GRIK2: variants seen among roughly 807,000 people sequenced by gnomAD.
GRIK2 encodes glutamate ionotropic receptor kainate type subunit 2, also known as glutamate receptor ionotropic, kainate 2.
Under a neutral mutation model 100.3 loss-of-function variants are expected in GRIK2, and 32 were observed. The ratio of observed to expected loss-of-function variants is 0.32; its 90% CI spans 0.24 to 0.43. The LOEUF (loss-of-function observed/expected upper bound fraction) is 0.43, where lower values mean the gene tolerates loss of function less well. Ranked by LOEUF, GRIK2 falls within the 20% of genes least tolerant of loss-of-function variation. GRIK2 has a pLI of 1.00. For missense variants in GRIK2, 843 were observed against 1,114.9 expected (o/e 0.76, Z 3.47); for synonymous variants, 417 against 389.4 (o/e 1.07, Z -0.83).
chr6:101,754,887 T>G (rs546326644), intron 7 of GRIK2, among the ~76,000 whole-genome samples: 16 of 152,132 alleles, frequency 1.1e-4, no homozygotes, highest in Non-Finnish European at 1.6e-4. Context: ...GAGTAAGGGA[T>G]AGCGGAATGT....
chr6:101,399,203 T>G lies in GRIK2; in HGVS notation c.-75T>G. 1.3e-6 allele frequency: 1 copy of G among 789,976 alleles called. No homozygotes were observed. The highest frequency in any genetic ancestry group is 2.3e-6 in the Non-Finnish European group (1 of 432,040). 48.9% of individuals were successfully genotyped at this position (789,976 alleles called of 1,614,324 possible). A position where few individuals can be genotyped will look rare whatever the true frequency, so the allele number is the denominator to read the frequency against. On this transcript the variant is annotated 5_prime_UTR_variant, in exon 2 of 17. Coordinates refer to ENST00000369134, the MANE Select transcript of GRIK2 (RefSeq NM_021956.5). ...TCTGCGGTCACCACTCGACGCATCC[T>G]CATTTCTACCCGAACCCAGGAGCCG...
At chr6:102,012,269 T>A (rs1795587982) in intron 14 of GRIK2, among the ~76,000 whole-genome samples, 1 of 152,196 alleles carries the variant, frequency 6.6e-6, no homozygotes, top group Non-Finnish European at 1.5e-5. Context: ...GTGTTGACAC[T>A]GGGTAGTGTC....
rs1856139 is a variant in GRIK2 at position 101,697,934 on chromosome 6, A to G, written c.951+11581A>G. On this transcript the variant is annotated intron_variant, in intron 7 of 16. Coordinates refer to ENST00000369134, the MANE Select transcript of GRIK2 (RefSeq NM_021956.5). ...GTGATATCCATTTGTTTCAAGATAA[A>G]TGCCCTTTCTTCACTTTAGTGCAGA... Among the ~76,000 whole-genome samples the G allele has an allele frequency of 1.6e-3, 237 of 152,202 alleles. 1 individual carries two copies. Among genetic ancestry groups the G allele is most frequent in the African/African-American group, 5.7e-3 (235 of 41,560 alleles).
chr6:101,697,073 C>A (rs1216185938), intron 7 of GRIK2, among the ~76,000 whole-genome samples: 1 of 152,006 alleles, frequency 6.6e-6, no homozygotes, highest in Non-Finnish European at 1.5e-5. Context: ...TACCTAATCT[C>A]TTTGAGCCTC....
At chr6:101,529,951 AC>A (rs1478958698) in intron 2 of GRIK2, among the ~76,000 whole-genome samples, 1 of 152,084 alleles carries the variant, frequency 6.6e-6, no homozygotes, top group East Asian at 1.9e-4. Flanking sequence ...AAATAATGGC[AC>A]TTCTAAAATT....
At chr6:101,573,718 C>A (rs1001695208) in intron 2 of GRIK2, among the ~76,000 whole-genome samples, 1 of 152,056 alleles carries the variant, frequency 6.6e-6, no homozygotes, top group Non-Finnish European at 1.5e-5. Context: ...TTTTTACAGA[C>A]CACTTGAATT....
At chr6:101,707,117 AC>A (rs1554250962) in intron 7 of GRIK2, among the ~76,000 whole-genome samples, 1 of 151,850 alleles carries the variant, frequency 6.6e-6, no homozygotes, top group Non-Finnish European at 1.5e-5. Flanking sequence ...AAAAGCAACA[AC>A]AAAAACCTTA....
intron 2 of GRIK2, among the ~76,000 whole-genome samples, chr6:101,560,564 A>T (rs1776955653): frequency 6.6e-6 from 1 of 152,104 alleles, no homozygotes; most frequent in African/African-American, 2.4e-5. Context: ...GATAATTAGA[A>T]ACTGGACATT....
At chr6:101,871,175 G>A (rs946605132) in intron 11 of GRIK2, among the ~76,000 whole-genome samples, 1 of 151,416 alleles carries the variant, frequency 6.6e-6, no homozygotes, top group Non-Finnish European at 1.5e-5. Context: ...AGTCATCCTG[G>A]GCAACACATG....
chr6:101,695,627 A>G (rs1370322222), intron 7 of GRIK2, among the ~76,000 whole-genome samples: 3 of 152,108 alleles, frequency 2.0e-5, no homozygotes, highest in Non-Finnish European at 2.9e-5. Flanking sequence ...TTTATAATAC[A>G]TGGACTTGGT....
chr6:101,774,458 G>C (rs910523355), intron 7 of GRIK2, among the ~76,000 whole-genome samples: 6 of 152,082 alleles, frequency 3.9e-5, no homozygotes, highest in African/African-American at 7.2e-5. Context: ...AGATTTAACA[G>C]GTTCTAAATT....
At chr6:101,707,592 G>GTA (rs1451926404) in intron 7 of GRIK2, among the ~76,000 whole-genome samples, 35 of 128,200 alleles carry the variant, frequency 2.7e-4, no homozygotes, top group South Asian at 1.6e-3. Flanking sequence ...GTGTGTGTGT[G>GTA]TGTATATATG....
chr6:101,500,655 T>C (rs1445192951), intron 2 of GRIK2, among the ~76,000 whole-genome samples: 1 of 152,070 alleles, frequency 6.6e-6, no homozygotes, highest in Non-Finnish European at 1.5e-5. Context: ...TCTTCTATAA[T>C]TGACGGAAGG....
At chr6:101,696,486 T>C (rs1289388555) in intron 7 of GRIK2, among the ~76,000 whole-genome samples, 1 of 151,920 alleles carries the variant, frequency 6.6e-6, no homozygotes, top group Non-Finnish European at 1.5e-5. Flanking sequence ...TATATGCATA[T>C]ATAAAGAATA....
intron 14 of GRIK2, among the ~76,000 whole-genome samples, chr6:101,994,036 C>T (rs1042896432): frequency 6.8e-6 from 1 of 147,472 alleles, no homozygotes; most frequent in Non-Finnish European, 1.5e-5. Flanking sequence ...ACATTATATA[C>T]AGATATATAC....
chr6:102,004,599 CAG>C (rs1188928593), intron 14 of GRIK2, among the ~76,000 whole-genome samples: 11 of 151,932 alleles, frequency 7.2e-5, no homozygotes, highest in Non-Finnish European at 1.5e-5. Flanking sequence ...CATATGATCA[CAG>C]AGGGTCAGAA....
intron 2 of GRIK2, among the ~76,000 whole-genome samples, chr6:101,486,571 T>G (rs1009393684): frequency 6.6e-6 from 1 of 152,112 alleles, no homozygotes; most frequent in African/African-American, 2.4e-5. Context: ...AATTCTTTGG[T>G]GGATGAAGGG....
intron 14 of GRIK2, among the ~76,000 whole-genome samples, chr6:102,031,096 C>G (rs1478994676): frequency 1.5e-5 from 2 of 133,756 alleles, no homozygotes; most frequent in Non-Finnish European, 3.4e-5. Flanking sequence ...CACACACACA[C>G]ACACACACAC....
At chr6:101,593,607 A>C (rs1778779894) in intron 2 of GRIK2, among the ~76,000 whole-genome samples, 1 of 151,950 alleles carries the variant, frequency 6.6e-6, no homozygotes, top group Non-Finnish European at 1.5e-5. Flanking sequence ...CAGAGCCTAA[A>C]ATAGAAAGGC....
Sources: gnomAD v4.1 joint callset for allele counts (sites outside exome capture counted in the v4.1 genomes callset) on GRCh38, gnomAD v4.1.1 for gene constraint, MANE v1.5 for transcripts, NCBI Gene and HGNC (gene_info 2026-07-23, HGNC 2026-07-21) for gene names.